Variants in PTPRD observed in about 807,000 individuals in gnomAD.
PTPRD encodes receptor-type tyrosine-protein phosphatase delta.
PTPRD carries 34 observed loss-of-function variants against 214.5 expected under a neutral mutation model. That is an observed-to-expected ratio of 0.16 (90% CI 0.12 to 0.21). PTPRD has a LOEUF of 0.21. PTPRD is among the 10% of genes least tolerant of loss of function. The pLI, the probability that PTPRD is intolerant of heterozygous loss-of-function variation, is 1.00. For missense variants in PTPRD, 2,545 were observed against 2,398.7 expected (o/e 1.06, Z -1.27); for synonymous variants, 1,128 against 845.7 (o/e 1.33, Z -5.79).
intron 10 of PTPRD, among the ~76,000 whole-genome samples, chr9:9,060,372 C>G (rs1187853010): frequency 6.6e-6 from 1 of 151,978 alleles, no homozygotes; most frequent in Non-Finnish European, 1.5e-5. Context: ...AAGAATTTTA[C>G]AACATAATGT....
chr9:8,760,302 C>G (rs970575332), intron 11 of PTPRD, among the ~76,000 whole-genome samples: 1 of 152,076 alleles, frequency 6.6e-6, no homozygotes, highest in African/African-American at 2.4e-5. Context: ...CAGCTTTTTT[C>G]CTTATTATAG....
intron 11 of PTPRD, among the ~76,000 whole-genome samples, chr9:8,762,760 C>G (rs1036298754): frequency 6.6e-6 from 1 of 152,172 alleles, no homozygotes; most frequent in African/African-American, 2.4e-5. Context: ...AAAAACGTCT[C>G]TCTTTATGGC....
At chr9:8,902,286 G>T (rs1345096199) in intron 11 of PTPRD, among the ~76,000 whole-genome samples, 36 of 151,678 alleles carry the variant, frequency 2.4e-4, no homozygotes, top group Non-Finnish European at 2.8e-4. Flanking sequence ...CACACCTCAT[G>T]ACCCAACCCA....
At chr9:10,279,629 G>A (rs1453331376) in intron 3 of PTPRD, among the ~76,000 whole-genome samples, 2 of 150,790 alleles carry the variant, frequency 1.3e-5, no homozygotes. Flanking sequence ...CCTTCATTAT[G>A]TGTTCAAAAC....
intron 12 of PTPRD, among the ~76,000 whole-genome samples, chr9:8,648,862 T>G (rs765898893): frequency 3.9e-5 from 6 of 152,240 alleles, no homozygotes; most frequent in Non-Finnish European, 8.8e-5. Flanking sequence ...GAGTTAGTTT[T>G]CAAAGCAGAT....
At chr9:9,287,723 T>C (rs1949960919) in intron 9 of PTPRD, among the ~76,000 whole-genome samples, 1 of 151,926 alleles carries the variant, frequency 6.6e-6, no homozygotes, top group Admixed American at 6.6e-5. Context: ...ACATATCAGT[T>C]GAATAGGAGC....
At chr9:9,316,624 T>C (rs1475291579) in intron 9 of PTPRD, among the ~76,000 whole-genome samples, 2 of 152,042 alleles carry the variant, frequency 1.3e-5, no homozygotes, top group Non-Finnish European at 2.9e-5. Flanking sequence ...AAGAGCAAAA[T>C]AGCCCAATCA....
At chr9:9,387,971 A>AC (rs953291150) in intron 9 of PTPRD, among the ~76,000 whole-genome samples, 9 of 151,780 alleles carry the variant, frequency 5.9e-5, no homozygotes, top group South Asian at 2.1e-4. Context: ...GCTTAATTAG[A>AC]CCCCCCTTCC....
At chr9:9,270,658 T>C (rs1429416553) in intron 9 of PTPRD, among the ~76,000 whole-genome samples, 2 of 151,362 alleles carry the variant, frequency 1.3e-5, no homozygotes, top group Non-Finnish European at 1.5e-5. Context: ...ATTTAGGGGA[T>C]CCCATGATCT....
chr9:8,492,480 T>A (rs1199791158), intron 27 of PTPRD, among the ~76,000 whole-genome samples: 1 of 152,190 alleles, frequency 6.6e-6, no homozygotes, highest in Non-Finnish European at 1.5e-5. Flanking sequence ...CATTTTATTA[T>A]ATACTCGTTT....
intron 5 of PTPRD, among the ~76,000 whole-genome samples, chr9:9,857,593 A>C (rs940971486): frequency 6.6e-6 from 1 of 152,220 alleles, no homozygotes; most frequent in African/African-American, 2.4e-5. Flanking sequence ...CATGGAGTCC[A>C]TATTACAGCT....
chr9:9,262,803 A>T (rs2099980716), intron 9 of PTPRD, among the ~76,000 whole-genome samples: 7 of 151,652 alleles, frequency 4.6e-5, no homozygotes, highest in Admixed American at 4.6e-4. Context: ...AATTTGCATC[A>T]TTGACTTAGA....
chr9:9,989,787 T>G (rs568790160), intron 4 of PTPRD, among the ~76,000 whole-genome samples: 1 of 152,310 alleles, frequency 6.6e-6, no homozygotes, highest in Admixed American at 6.5e-5. Context: ...TCATGGGCAA[T>G]GCCTAGGCAC....
chr9:9,997,667 C>T (rs376421206), intron 4 of PTPRD, among the ~76,000 whole-genome samples: 1 of 152,002 alleles, frequency 6.6e-6, no homozygotes, highest in African/African-American at 2.4e-5. Context: ...CTTGGTAAGG[C>T]TTTTTCTTTT....
intron 21 of PTPRD, among the ~76,000 whole-genome samples, chr9:8,508,474 C>T (rs182230956): frequency 2.7e-4 from 41 of 152,268 alleles, no homozygotes; most frequent in African/African-American, 8.7e-4. Context: ...AATTGTAAAA[C>T]ATTTTGATCA....
intron 3 of PTPRD, among the ~76,000 whole-genome samples, chr9:10,255,262 G>A (rs1047734720): frequency 6.6e-6 from 1 of 152,146 alleles, no homozygotes. Context: ...ATCATAGAGT[G>A]CTTTTACACA....
At chr9:9,905,012 A>C (rs1204494769) in intron 5 of PTPRD, among the ~76,000 whole-genome samples, 1 of 152,062 alleles carries the variant, frequency 6.6e-6, no homozygotes. Flanking sequence ...TATGCAAATC[A>C]GTGAGGCATA....
intron 5 of PTPRD, among the ~76,000 whole-genome samples, chr9:9,888,818 A>G (rs758249367): frequency 1.6e-4 from 25 of 152,114 alleles, no homozygotes; most frequent in African/African-American, 2.4e-5. Flanking sequence ...AGGGAAGACA[A>G]AGAGTATTGT....
At chr9:9,738,218 G>A (rs189675668) in intron 6 of PTPRD, among the ~76,000 whole-genome samples, 1 of 151,942 alleles carries the variant, frequency 6.6e-6, no homozygotes, top group Admixed American at 6.6e-5. Flanking sequence ...AAACCTGCAC[G>A]TTGTGCACAT....
Sources: allele counts gnomAD v4.1 joint callset (sites outside exome capture counted in the v4.1 genomes callset), GRCh38; gene constraint gnomAD v4.1.1; transcripts MANE v1.5; gene names NCBI Gene and HGNC (gene_info 2026-07-23, HGNC 2026-07-21).